KCNIP4: variants seen among roughly 807,000 people sequenced by gnomAD.
KCNIP4 encodes the protein potassium voltage-gated channel interacting protein 4, also known as Kv channel-interacting protein 4.
In KCNIP4, 12 loss-of-function variants were observed where a neutral mutation model predicts 34.0. The ratio of observed to expected loss-of-function variants is 0.35; its 90% CI spans 0.23 to 0.57. The LOEUF (loss-of-function observed/expected upper bound fraction) is 0.57. Among genes scored for constraint, KCNIP4 ranks in the 20% least tolerant of loss-of-function variants. KCNIP4 has a pLI of 0.83. For synonymous variants in KCNIP4, 124 were observed against 102.2 expected (o/e 1.21, Z -1.29); for missense variants, 238 against 311.7 (o/e 0.76, Z 1.78).
intron 1 of KCNIP4, among the ~76,000 whole-genome samples, chr4:21,453,693 A>G (rs1392066823): frequency 6.6e-6 from 1 of 152,160 alleles, no homozygotes; most frequent in Non-Finnish European, 1.5e-5. Flanking sequence ...CAGATCTGGC[A>G]TTCATGATCA....
At chr4:21,090,221 G>A (rs758332186) in intron 1 of KCNIP4, among the ~76,000 whole-genome samples, 5 of 152,116 alleles carry the variant, frequency 3.3e-5, no homozygotes, top group Non-Finnish European at 7.4e-5. Flanking sequence ...TTTGCATAAC[G>A]ACTGTTGCTT....
At chr4:21,240,549 G>C (rs940719591) in intron 1 of KCNIP4, among the ~76,000 whole-genome samples, 1 of 151,986 alleles carries the variant, frequency 6.6e-6, no homozygotes, top group Non-Finnish European at 1.5e-5. Flanking sequence ...TTTTTCACCA[G>C]CAATTTTCCC....
At chr4:21,363,699 A>T (rs1474843642) in intron 1 of KCNIP4, among the ~76,000 whole-genome samples, 1 of 152,164 alleles carries the variant, frequency 6.6e-6, no homozygotes, top group East Asian at 1.9e-4. Flanking sequence ...CATCACTATC[A>T]GTGTGAAACA....
chr4:21,020,052 T>C (rs2149746235), intron 1 of KCNIP4, among the ~76,000 whole-genome samples: 1 of 152,290 alleles, frequency 6.6e-6, no homozygotes, highest in East Asian at 1.9e-4. Context: ...GAAATGCCTT[T>C]AAATAAAGCA....
At chr4:21,910,888 A>T (rs1460617822) in intron 1 of KCNIP4, among the ~76,000 whole-genome samples, 1 of 152,196 alleles carries the variant, frequency 6.6e-6, no homozygotes, top group Non-Finnish European at 1.5e-5. Flanking sequence ...GGCCGAGGCC[A>T]TTCATTTACT....
intron 1 of KCNIP4, among the ~76,000 whole-genome samples, chr4:21,791,613 T>A (rs1720288853): frequency 6.6e-6 from 1 of 152,118 alleles, no homozygotes; most frequent in South Asian, 2.1e-4. Flanking sequence ...GTGTCCACAC[T>A]CATCCTAACT....
intron 1 of KCNIP4, among the ~76,000 whole-genome samples, chr4:21,042,441 G>A (rs1577585145): frequency 6.6e-6 from 1 of 152,166 alleles, no homozygotes. Flanking sequence ...GACACAGAAA[G>A]ACAAATGTAT....
chr4:21,095,126 A>G (rs1747349633), intron 1 of KCNIP4, among the ~76,000 whole-genome samples: 1 of 152,252 alleles, frequency 6.6e-6, no homozygotes, highest in South Asian at 2.1e-4. Context: ...CAGTAGGGTT[A>G]TTAATTAAGA....
At chr4:21,297,040 G>C (rs540056438) in intron 1 of KCNIP4, among the ~76,000 whole-genome samples, 1 of 151,318 alleles carries the variant, frequency 6.6e-6, no homozygotes, top group Non-Finnish European at 1.5e-5. Context: ...GTGTGTGTGC[G>C]TGTGTTTGTG....
intron 1 of KCNIP4, among the ~76,000 whole-genome samples, chr4:20,985,473 T>C (rs1358226064): frequency 6.6e-6 from 1 of 152,126 alleles, no homozygotes; most frequent in African/African-American, 2.4e-5. Flanking sequence ...ATTTTAACTT[T>C]GTAGGTGAGG....
intron 1 of KCNIP4, among the ~76,000 whole-genome samples, chr4:21,623,819 A>C (rs1745142082): frequency 6.6e-6 from 1 of 152,216 alleles, no homozygotes; most frequent in Non-Finnish European, 1.5e-5. Flanking sequence ...AGGAAGCTAC[A>C]GTTTTCAGAC....
rs138826599 is a variant in KCNIP4 at position 20,799,548 on chromosome 4, G to A, written c.289-40658C>T. Among the ~76,000 whole-genome samples, 210 of 152,248 alleles carry A rather than the reference G, an allele frequency of 1.4e-3. 1 individual carries two copies. The highest frequency in any genetic ancestry group is 0.011 in the Admixed American group (168 of 15,286). On this transcript the variant is annotated intron_variant, in intron 3 of 8. Coordinates refer to ENST00000382152, the MANE Select transcript of KCNIP4 (RefSeq NM_025221.6). ...TAACTGGACTAACCTCCACCCATCTGAGCTGGTGAGATGTCCCACCTTTCC... is the reference window on the plus strand; with the variant it reads ...TAACTGGACTAACCTCCACCCATCTAAGCTGGTGAGATGTCCCACCTTTCC...
intron 3 of KCNIP4, among the ~76,000 whole-genome samples, chr4:20,796,264 A>G (rs1713444023): frequency 6.6e-6 from 1 of 152,168 alleles, no homozygotes; most frequent in Non-Finnish European, 1.5e-5. Flanking sequence ...CACTTGTCTA[A>G]TGCCACCCAG....
chr4:21,897,030 G>C (rs1232748293), intron 1 of KCNIP4, among the ~76,000 whole-genome samples: 2 of 152,052 alleles, frequency 1.3e-5, no homozygotes, highest in East Asian at 1.9e-4. Context: ...ATAGTGTATA[G>C]ATTGGATGTT....
chr4:21,324,973 T>G (rs1011157927), intron 1 of KCNIP4, among the ~76,000 whole-genome samples: 2 of 151,948 alleles, frequency 1.3e-5, no homozygotes, highest in African/African-American at 4.8e-5. Flanking sequence ...GATCTTTCAC[T>G]TCCTTGGTTA....
chr4:21,257,622 C>T (rs370330227), intron 1 of KCNIP4, among the ~76,000 whole-genome samples: 8 of 151,884 alleles, frequency 5.3e-5, no homozygotes, highest in African/African-American at 1.4e-4. Flanking sequence ...TGGTGGCATG[C>T]GACTGTAGTC....
chr4:21,582,032 G>GAATAGAATAGAATA (rs1560534549), intron 1 of KCNIP4: 15 of 53,592 alleles, frequency 2.8e-4, no homozygotes, highest in Non-Finnish European at 5.6e-4. Context: ...AGAATAGAAT[G>GAATAGAATAGAATA]GAATGGAATG....
intron 1 of KCNIP4, among the ~76,000 whole-genome samples, chr4:21,644,749 T>A (rs1746892642): frequency 1.3e-5 from 2 of 152,164 alleles, no homozygotes; most frequent in African/African-American, 4.8e-5. Context: ...TTTTGTTTCA[T>A]TTCATTTTGG....
At chr4:21,228,808 C>A (rs1323757921) in intron 1 of KCNIP4, among the ~76,000 whole-genome samples, 1 of 152,136 alleles carries the variant, frequency 6.6e-6, no homozygotes, top group Non-Finnish European at 1.5e-5. Flanking sequence ...TCCGCTTATC[C>A]AATCACACTG....
Sources: gnomAD v4.1 joint callset for allele counts (sites outside exome capture counted in the v4.1 genomes callset) on GRCh38, gnomAD v4.1.1 for gene constraint, MANE v1.5 for transcripts, NCBI Gene and HGNC (gene_info 2026-07-23, HGNC 2026-07-21) for gene names.